The following PPP1R9A variants were observed in gnomAD, a reference collection of about 807,000 sequenced individuals.
The protein encoded by PPP1R9A is neurabin-1.
In PPP1R9A, 59 loss-of-function variants were observed where a neutral mutation model predicts 141.9. The observed-to-expected ratio is 0.42, with a 90% CI of 0.34 to 0.52. The LOEUF (loss-of-function observed/expected upper bound fraction) is 0.52, where lower values mean the gene tolerates loss of function less well. PPP1R9A is among the 20% of genes least tolerant of loss of function. The probability of loss-of-function intolerance (pLI) is 0.10; values close to 1 mark genes in which losing one functional copy is unlikely to be tolerated. For synonymous variants in PPP1R9A, 500 were observed against 569.7 expected, an observed-to-expected ratio of 0.88 and a Z score of 1.74; for missense variants, 1,444 against 1,611.9, an observed-to-expected ratio of 0.90 and a Z score of 1.78.
intron 12 of PPP1R9A, among the ~76,000 whole-genome samples, chr7:95,267,793 C>T (rs1801535611): frequency 6.6e-6 from 1 of 152,040 alleles, no homozygotes; most frequent in South Asian, 2.1e-4. Context: ...GAGGCACATA[C>T]AAATAACTTG....
intron 7 of PPP1R9A, among the ~76,000 whole-genome samples, chr7:95,219,160 T>G (rs1377847830): frequency 6.6e-6 from 1 of 152,070 alleles, no homozygotes; most frequent in Non-Finnish European, 1.5e-5. Context: ...GTAGGGCAGG[T>G]CTGGTGGTGA....
At chr7:95,075,106 C>A (rs1328053960) in intron 2 of PPP1R9A, among the ~76,000 whole-genome samples, 1 of 152,050 alleles carries the variant, frequency 6.6e-6, no homozygotes, top group Non-Finnish European at 1.5e-5. Context: ...TTCATTTGTG[C>A]CATGAATAAT....
intron 5 of PPP1R9A, among the ~76,000 whole-genome samples, chr7:95,178,339 C>A (rs1355071632): frequency 6.6e-6 from 1 of 151,950 alleles, no homozygotes; most frequent in African/African-American, 2.4e-5. Context: ...AACTGAATGA[C>A]AGCAGTGACA....
intron 2 of PPP1R9A, among the ~76,000 whole-genome samples, chr7:94,984,153 A>G (rs1013591786): frequency 1.3e-5 from 2 of 152,158 alleles, no homozygotes; most frequent in Admixed American, 6.5e-5. Flanking sequence ...GCGTATGTTG[A>G]ACCAGCCTTG....
At chr7:95,072,849 AATATAAG>A (rs1814155425) in intron 2 of PPP1R9A, among the ~76,000 whole-genome samples, 1 of 108,218 alleles carries the variant, frequency 9.2e-6, no homozygotes, top group Non-Finnish European at 1.7e-5. Context: ...TATTATATAT[AATATAAG>A]TTATATAATA....
intron 2 of PPP1R9A, among the ~76,000 whole-genome samples, chr7:94,975,346 G>GTTTTTTTT: frequency 7.8e-6 from 1 of 128,624 alleles, no homozygotes; most frequent in South Asian, 2.9e-4. Context: ...ACAGGCTGTA[G>GTTTTTTTT]TTTTTTTTTG....
At position 95,207,399 on chromosome 7, in the gene PPP1R9A, G is replaced by A. The variant is rs184953283; in HGVS notation, c.1956+3669G>A. 1.5e-3 allele frequency among the ~76,000 whole-genome samples: 235 copies of A among 152,224 alleles called. 6 individuals are homozygous for A. The South Asian group carries it at 0.04, about 26-fold the overall frequency. On this transcript the variant is annotated intron_variant, in intron 7 of 19. Coordinates refer to ENST00000433360, the MANE Select transcript of PPP1R9A (RefSeq NM_001166160.2). ...CAGTAAAACTTTGACAGTGTGAGAT[G>A]TATGAAGTAATAAAACATAACTTTG...
intron 8 of PPP1R9A, among the ~76,000 whole-genome samples, chr7:95,227,684 C>T (rs1795336639): frequency 6.6e-6 from 1 of 152,086 alleles, no homozygotes; most frequent in Admixed American, 6.6e-5. Context: ...TGGCCCTTTA[C>T]TGAAAAATGT....
chr7:95,209,140 T>C (rs1371833362), intron 7 of PPP1R9A, among the ~76,000 whole-genome samples: 2 of 152,168 alleles, frequency 1.3e-5, no homozygotes, highest in Admixed American at 1.3e-4. Flanking sequence ...TCATTATGTT[T>C]TAAATTTATT....
chr7:95,260,117 G>T (rs1800202288), intron 12 of PPP1R9A, among the ~76,000 whole-genome samples: 1 of 152,084 alleles, frequency 6.6e-6, no homozygotes, highest in African/African-American at 2.4e-5. Flanking sequence ...AATATTTATT[G>T]ATTATTTTCT....
At chr7:95,184,120 T>G (rs1834287825) in intron 5 of PPP1R9A, among the ~76,000 whole-genome samples, 1 of 152,150 alleles carries the variant, frequency 6.6e-6, no homozygotes, top group Non-Finnish European at 1.5e-5. Context: ...GTCAGCAAAC[T>G]AGTGAAAGTG....
chr7:95,117,257 C>A (rs1210382271), intron 3 of PPP1R9A, among the ~76,000 whole-genome samples: 1 of 151,754 alleles, frequency 6.6e-6, no homozygotes, highest in African/African-American at 2.4e-5. Context: ...GAGAGGAAGA[C>A]AGGGTGCAGC....
chr7:95,142,172 A>G (rs1262220356), intron 4 of PPP1R9A, among the ~76,000 whole-genome samples: 1 of 152,018 alleles, frequency 6.6e-6, no homozygotes, highest in Admixed American at 6.6e-5. Flanking sequence ...TGGATAAATG[A>G]ATATTCAGAT....
At chr7:95,015,138 A>T (rs978773050) in intron 2 of PPP1R9A, among the ~76,000 whole-genome samples, 3 of 151,968 alleles carry the variant, frequency 2.0e-5, no homozygotes, top group African/African-American at 7.2e-5. Flanking sequence ...TGGGCACTTC[A>T]TGTGAAAATT....
intron 2 of PPP1R9A, among the ~76,000 whole-genome samples, chr7:95,088,825 T>C (rs1282270965): frequency 6.6e-6 from 1 of 152,020 alleles, no homozygotes; most frequent in Non-Finnish European, 1.5e-5. Flanking sequence ...AGGTGATTGC[T>C]TGTCTTTTAG....
chr7:95,186,287 AG>A (rs1423319935), intron 5 of PPP1R9A, among the ~76,000 whole-genome samples: 2 of 151,884 alleles, frequency 1.3e-5, no homozygotes, highest in African/African-American at 4.8e-5. Flanking sequence ...GTTGTAAAAA[AG>A]GTTGAGTTCT....
At chr7:94,965,095 G>A (rs575763894) in intron 2 of PPP1R9A, among the ~76,000 whole-genome samples, 11 of 150,592 alleles carry the variant, frequency 7.3e-5, no homozygotes, top group Non-Finnish European at 7.4e-5. Context: ...GCTTATGTTT[G>A]TTGGCTGCAA....
chr7:95,281,971 G>A (rs1437033603), intron 16 of PPP1R9A, among the ~76,000 whole-genome samples: 2 of 152,128 alleles, frequency 1.3e-5, no homozygotes, highest in East Asian at 3.9e-4. Flanking sequence ...AAGAGTATGG[G>A]ACTGCAGAGA....
At chr7:95,273,339 C>G (rs1294992042) in intron 14 of PPP1R9A, among the ~76,000 whole-genome samples, 1 of 152,188 alleles carries the variant, frequency 6.6e-6, no homozygotes, top group African/African-American at 2.4e-5. Flanking sequence ...CCATGTCCTC[C>G]CCTCCTCTGT....
Sources: allele counts gnomAD v4.1 joint callset (sites outside exome capture counted in the v4.1 genomes callset), GRCh38; gene constraint gnomAD v4.1.1; transcripts MANE v1.5; gene names NCBI Gene and HGNC (gene_info 2026-07-23, HGNC 2026-07-21).